The following TNRC6A variants were observed in gnomAD, a reference collection of about 807,000 sequenced individuals.
TNRC6A encodes trinucleotide repeat-containing gene 6A protein.
TNRC6A carries 44 observed loss-of-function variants against 221.2 expected under a neutral mutation model. That is an observed-to-expected ratio of 0.20 (90% CI 0.16 to 0.26). The LOEUF is 0.26. Ranked by LOEUF, TNRC6A falls within the 10% of genes least tolerant of loss-of-function variation. The pLI, the probability that TNRC6A is intolerant of heterozygous loss-of-function variation, is 1.00. For missense variants in TNRC6A, 2,199 were observed against 2,404.4 expected (o/e 0.91, Z 1.79); for synonymous variants, 847 against 838.5 (o/e 1.01, Z -0.18).
At chr16:24,731,196 CT>C (rs1267826114) in intron 2 of TNRC6A, among the ~76,000 whole-genome samples, 1 of 152,064 alleles carries the variant, frequency 6.6e-6, no homozygotes, top group South Asian at 2.1e-4. Context: ...GAATAGCTTT[CT>C]TTTTTTCTTT....
At chr16:24,777,841 A>G (rs2057758795) in intron 5 of TNRC6A, among the ~76,000 whole-genome samples, 2 of 152,204 alleles carry the variant, frequency 1.3e-5, no homozygotes, top group African/African-American at 4.8e-5. Context: ...ATATTCAAAC[A>G]GAGGAAATGC....
At chr16:24,699,222 A>G (rs1452645896) in intron 2 of TNRC6A, among the ~76,000 whole-genome samples, 2 of 152,202 alleles carry the variant, frequency 1.3e-5, no homozygotes, top group Admixed American at 6.6e-5. Context: ...GGATACACTG[A>G]TGAACTAAGT....
At chr16:24,649,931 C>T (rs1902544466) in intron 2 of TNRC6A, among the ~76,000 whole-genome samples, 2 of 144,142 alleles carry the variant, frequency 1.4e-5, no homozygotes, top group Non-Finnish European at 3.0e-5. Flanking sequence ...TCAAGTGATT[C>T]TCCCACCTCA....
chr16:24,620,236 G>T (rs1900595325), intron 1 of TNRC6A, among the ~76,000 whole-genome samples: 1 of 152,050 alleles, frequency 6.6e-6, no homozygotes, highest in South Asian at 2.1e-4. Context: ...AAGTACTTCT[G>T]CAAGCCTCAA....
At chr16:24,797,859 A>G (rs891860849) in intron 10 of TNRC6A, 56 bp from the exon 11 acceptor site, 5 of 1,469,384 alleles carry the variant, frequency 3.4e-6, no homozygotes, top group African/African-American at 1.4e-5. Flanking sequence ...TTCATTTTTT[A>G]TTTGTTTTCA....
In TNRC6A at chr16:24,818,673, C is replaced by T. The variant is rs781072894; in HGVS notation, c.5053C>T (p.Leu1685Phe). ...TCGTGCCTCCAACTACAACGTTCCC[C>T]TCAGCAGTACAGCACAAAGCACTTC... ...SIRASNYNVP[L>F]SSTAQSTSAR... Residue 1685 changes from leucine (L) to phenylalanine (F), a missense_variant, in exon 21 of 25, where the codon CTC becomes TTC. Transcript: ENST00000395799. 1.9e-6 allele frequency: 3 copies of T among 1,614,076 alleles called. No homozygotes were observed. Among genetic ancestry groups the T allele is most frequent in the African/African-American group, 2.7e-5 (2 of 74,928 alleles).
intron 1 of TNRC6A, among the ~76,000 whole-genome samples, chr16:24,626,159 C>T (rs1303893696): frequency 6.6e-6 from 1 of 152,028 alleles, no homozygotes; most frequent in Non-Finnish European, 1.5e-5. Context: ...CCCAATTCCT[C>T]CCTCTCCCAT....
intron 4 of TNRC6A, among the ~76,000 whole-genome samples, chr16:24,759,531 C>T (rs548744315): frequency 2.6e-5 from 4 of 152,202 alleles, no homozygotes; most frequent in South Asian, 2.1e-4. Context: ...ATGGGGAATA[C>T]GACGTGCATC....
At chr16:24,743,471 A>G (rs1163077388) in intron 2 of TNRC6A, among the ~76,000 whole-genome samples, 1 of 152,046 alleles carries the variant, frequency 6.6e-6, no homozygotes, top group Non-Finnish European at 1.5e-5. Context: ...GACTACAGGC[A>G]TGCACCACCA....
At chr16:24,681,666 T>G (rs200669880) in intron 2 of TNRC6A, among the ~76,000 whole-genome samples, 9 of 152,224 alleles carry the variant, frequency 5.9e-5, no homozygotes, top group Non-Finnish European at 1.2e-4. Flanking sequence ...TGTTAAAATA[T>G]AAGCTCCATG....
At chr16:24,640,832 T>C (rs1450181630) in intron 1 of TNRC6A, 1 of 151,962 alleles carries the variant, frequency 6.6e-6, no homozygotes, top group Non-Finnish European at 1.5e-5. Flanking sequence ...GGGAGGGGAA[T>C]GAAGTAAAAA....
intron 2 of TNRC6A, among the ~76,000 whole-genome samples, chr16:24,712,513 A>G (rs2056223964): frequency 6.6e-6 from 1 of 152,154 alleles, no homozygotes; most frequent in Non-Finnish European, 1.5e-5. Flanking sequence ...GTACATTTGT[A>G]TTATTTTTGT....
Position 24,713,459 on chromosome 16 carries a change from T to A in TNRC6A, n.403-37267T>A, listed in dbSNP as rs529311452. On this transcript the variant is annotated intron_variant and non_coding_transcript_variant, in intron 2 of 2. Coordinates refer to the TNRC6A transcript ENST00000566108. Reference sequence around the variant, plus strand: ...AAACAAACAAACAAACAAAAAAATATATATATATATATGTTACCTTTTTTC... The same window carrying A: ...AAACAAACAAACAAACAAAAAAATAAATATATATATATGTTACCTTTTTTC... Among the ~76,000 whole-genome samples the A allele has an allele frequency of 3.2e-3, 476 of 149,992 alleles. 1 individual carries two copies. Among genetic ancestry groups the A allele is most frequent in the African/African-American group, 9.5e-3 (382 of 40,306 alleles).
Position 24,824,020 on chromosome 16 carries a change from C to T in TNRC6A, c.*213C>T. ...AAGGTATCTACTCTATTTACACTCC[C>T]AAATAGCGCCATACATGCTAAACCG... On this transcript the variant is annotated 3_prime_UTR_variant, in exon 25 of 25. Transcript: ENST00000395799. 2.6e-6 allele frequency: 1 copy of T among 388,432 alleles called. No individual in the cohort carries two copies. The highest frequency in any genetic ancestry group is 4.5e-6 in the Non-Finnish European group (1 of 223,014). The allele number at this position is 388,432 out of a possible 1,614,324, so 24.1% of individuals were successfully genotyped here. A position where few individuals can be genotyped will look rare whatever the true frequency, so the allele number is the denominator to read the frequency against.
intron 3 of TNRC6A, among the ~76,000 whole-genome samples, chr16:24,754,982 C>T (rs1011666681): frequency 3.9e-5 from 6 of 152,184 alleles, no homozygotes; most frequent in African/African-American, 1.4e-4. Flanking sequence ...GGATCATATT[C>T]AGCAGCTTAA....
chr16:24,665,502 A>G (rs954949482), intron 2 of TNRC6A, among the ~76,000 whole-genome samples: 2 of 152,226 alleles, frequency 1.3e-5, no homozygotes, highest in African/African-American at 2.4e-5. Context: ...GTCAAGACCC[A>G]CTGCTCCAAG....
chr16:24,633,349 A>G (rs1901449512), intron 1 of TNRC6A, among the ~76,000 whole-genome samples: 1 of 152,118 alleles, frequency 6.6e-6, no homozygotes, highest in Non-Finnish European at 1.5e-5. Context: ...TCCTTACAGC[A>G]TCACTTACTT....
chr16:24,725,109 G>A (rs1055428925), upstream of TNRC6A, among the ~76,000 whole-genome samples: 1 of 152,126 alleles, frequency 6.6e-6, no homozygotes, highest in Non-Finnish European at 1.5e-5. Context: ...ACAGGACCTT[G>A]TTTCTGGTTC....
chr16:24,759,423 A>G (rs77732009), intron 4 of TNRC6A, among the ~76,000 whole-genome samples: 1,674 of 152,310 alleles, frequency 0.011, 15 homozygotes, highest in Non-Finnish European at 0.018. Context: ...GCTATCAACT[A>G]CTGTACATGG....
Sources: allele counts gnomAD v4.1 joint callset (sites outside exome capture counted in the v4.1 genomes callset), GRCh38; gene constraint gnomAD v4.1.1; transcripts MANE v1.5; gene names NCBI Gene and HGNC (gene_info 2026-07-23, HGNC 2026-07-21).